LHX4: variants seen among roughly 807,000 people sequenced by gnomAD.
LHX4 encodes the protein LIM homeobox 4, also known as LIM/homeobox protein Lhx4.
In LHX4, 16 loss-of-function variants were observed where a neutral mutation model predicts 39.2. The observed-to-expected ratio is 0.41, with a 90% confidence interval of 0.28 to 0.62. The LOEUF (loss-of-function observed/expected upper bound fraction) is 0.62, where lower values mean the gene tolerates loss of function less well. LHX4 is among the 20% of genes least tolerant of loss of function. The pLI, the probability that LHX4 is intolerant of heterozygous loss-of-function variation, is 0.33. For synonymous variants in LHX4, 206 were observed against 198.1 expected, an observed-to-expected ratio of 1.04 and a Z score of -0.33; for missense variants, 439 against 511.9, an observed-to-expected ratio of 0.86 and a Z score of 1.37.
intron 2 of LHX4, among the ~76,000 whole-genome samples, chr1:180,264,378 A>AACACACACACACACACACACACACAC (rs10561933): frequency 0.011 from 1,664 of 145,308 alleles, 25 homozygotes; most frequent in Non-Finnish European, 0.013. Flanking sequence ...ACACACACAT[A>AACACACACACACACACACACACACAC]ACACACACAC....
At chr1:180,230,217 A>C, upstream of LHX4, 6 of 414,118 alleles carry the variant, frequency 1.4e-5, no homozygotes, top group East Asian at 5.1e-5. This position sits in a 1 kb window ranked among gnomAD's most constrained non-coding sequence, Gnocchi z 5.8. Flanking sequence ...CGAAGGGTGG[A>C]GGGGGAGGGG....
rs903390599 is a variant in LHX4, at chr1:180,248,273, T to A, written c.77-12T>A. On this transcript the variant is annotated splice_polypyrimidine_tract_variant and intron_variant, in intron 1 of 5. Coordinates refer to ENST00000263726, the MANE Select transcript of LHX4 (RefSeq NM_033343.4). The stretch of plus-strand genomic sequence containing the variant: ...GAAGGCTCACAGTGCCTCTCTCTCC[T>A]CTTCCTCACAGAGATTCCCCAGTGC... 6.2e-7 allele frequency: 1 copy of A among 1,613,698 alleles called. No individual in the cohort carries two copies. The highest frequency in any genetic ancestry group is 1.1e-5 in the South Asian group (1 of 90,938).
intron 2 of LHX4, among the ~76,000 whole-genome samples, chr1:180,253,669 A>C (rs1238485712): frequency 6.6e-6 from 1 of 152,184 alleles, no homozygotes; most frequent in Non-Finnish European, 1.5e-5. Flanking sequence ...ACGCTAACCC[A>C]CCGAGCTAGG....
At chr1:180,235,799 C>T (rs2149252496) in intron 1 of LHX4, among the ~76,000 whole-genome samples, 1 of 152,322 alleles carries the variant, frequency 6.6e-6, no homozygotes, top group African/African-American at 2.4e-5. Context: ...CCACCGGGTG[C>T]ACTCACCGCA....
rs1199969573 is a variant in LHX4 at position 180,264,025 on chromosome 1, G to A, written c.249-2367G>A. 2.6e-5 allele frequency among the ~76,000 whole-genome samples: 4 copies of A among 152,232 alleles called. No individual in the cohort carries two copies. The South Asian group carries it at 6.2e-4, about 24-fold the overall frequency. ...GTTGCCCAGGCTGGAGTGCAGTGGCGTGATCTTGGCTCACTGTAGCCTCAA... is the reference window on the plus strand; with the variant it reads ...GTTGCCCAGGCTGGAGTGCAGTGGCATGATCTTGGCTCACTGTAGCCTCAA... On this transcript the variant is annotated intron_variant, in intron 2 of 5. Coordinates refer to ENST00000263726, the MANE Select transcript of LHX4 (RefSeq NM_033343.4).
intron 2 of LHX4, among the ~76,000 whole-genome samples, chr1:180,264,893 T>C (rs979595852): frequency 5.9e-5 from 9 of 152,294 alleles, no homozygotes; most frequent in Middle Eastern, 3.4e-3. Context: ...CAGAAGAGTG[T>C]TCCCTGAAGT....
At chr1:180,235,271 G>A (rs1451615814) in intron 1 of LHX4, among the ~76,000 whole-genome samples, 1 of 152,256 alleles carries the variant, frequency 6.6e-6, no homozygotes, top group Non-Finnish European at 1.5e-5. Context: ...ATCTCAGGTA[G>A]CCCAGAGGTC....
chr1:180,245,397 CT>C (rs1647347566), intron 1 of LHX4, among the ~76,000 whole-genome samples: 2 of 151,968 alleles, frequency 1.3e-5, no homozygotes, highest in African/African-American at 4.8e-5. Context: ...CAGCCAGCCC[CT>C]GATGGCCCCT....
chr1:180,251,124 C>A (rs1337649021), intron 2 of LHX4, among the ~76,000 whole-genome samples: 4 of 152,252 alleles, frequency 2.6e-5, no homozygotes, highest in Admixed American at 2.6e-4. Flanking sequence ...CCTTCCACCC[C>A]ACAGCCCAGG....
At chr1:180,251,830 G>A (rs1647642291) in intron 2 of LHX4, among the ~76,000 whole-genome samples, 2 of 152,190 alleles carry the variant, frequency 1.3e-5, no homozygotes, top group Admixed American at 6.5e-5. Context: ...ATCTGGCCAC[G>A]GATTCAGTGC....
intron 2 of LHX4, chr1:180,248,736 C>T (rs977728708): frequency 4.1e-6 from 2 of 482,498 alleles, no homozygotes; most frequent in African/African-American, 3.9e-5. Flanking sequence ...GGGTGGTTGA[C>T]AAAGTTCTGC....
At chr1:180,241,331 G>A (rs1664441076) in intron 1 of LHX4, among the ~76,000 whole-genome samples, 1 of 152,184 alleles carries the variant, frequency 6.6e-6, no homozygotes, top group South Asian at 2.1e-4. Context: ...TAGAATTAAG[G>A]GAGTGGAGGA....
chr1:180,229,958 GC>G (rs1278861248), upstream of LHX4, among the ~76,000 whole-genome samples: 12 of 87,918 alleles, frequency 1.4e-4, 1 homozygote, highest in African/African-American at 2.8e-4. Flanking sequence ...GGAGGCGGAG[GC>G]GGGGAGGGGG....
At chr1:180,255,341 C>T (rs1049753082) in intron 2 of LHX4, among the ~76,000 whole-genome samples, 1 of 152,228 alleles carries the variant, frequency 6.6e-6, no homozygotes, top group Admixed American at 6.5e-5. Flanking sequence ...CACACATGCA[C>T]ACATGCACAC....
At position 180,230,401 on chromosome 1, in the gene LHX4, G is replaced by A. The variant is rs1381483887; in HGVS notation, c.-129G>A. ...TGGAGTCCTCCCTGAGAAGCGGAGG[G>A]CCCGGCTTCCACCGTGACTCCAGCG... On this transcript the variant is annotated 5_prime_UTR_variant, in exon 1 of 6. Coordinates refer to ENST00000263726, the MANE Select transcript of LHX4 (RefSeq NM_033343.4). The surrounding 1 kb of genome is among the most constrained non-coding windows in gnomAD (Gnocchi z 5.8). 3.8e-6 allele frequency: 3 copies of A among 780,750 alleles called. No individual in the cohort carries two copies. Among genetic ancestry groups the A allele is most frequent in the Non-Finnish European group, 6.5e-6 (3 of 459,780 alleles). 48.4% of individuals were successfully genotyped at this position (780,750 alleles called of 1,614,324 possible).
intron 2 of LHX4, among the ~76,000 whole-genome samples, chr1:180,264,626 T>C (rs1558219641): frequency 6.6e-6 from 1 of 152,206 alleles, no homozygotes; most frequent in East Asian, 1.9e-4. Context: ...ATTCAACAAA[T>C]ATTAACTCTA....
intron 3 of LHX4, chr1:180,270,493 C>G (rs940605569): frequency 6.6e-6 from 1 of 152,164 alleles, no homozygotes; most frequent in Non-Finnish European, 1.5e-5. Flanking sequence ...CCTGTGCTTC[C>G]GAACACACGC....
intron 1 of LHX4, among the ~76,000 whole-genome samples, chr1:180,244,119 A>G (rs1647292100): frequency 6.6e-6 from 1 of 152,144 alleles, no homozygotes; most frequent in Non-Finnish European, 1.5e-5. Context: ...GACGTAATAC[A>G]CACTCAAGCC....
intron 3 of LHX4, among the ~76,000 whole-genome samples, chr1:180,267,938 C>A (rs1648395572): frequency 6.6e-6 from 1 of 152,114 alleles, no homozygotes; most frequent in East Asian, 1.9e-4. Context: ...CAGGAGTGGG[C>A]AGGGCTTCCT....
Sources: gnomAD v4.1 joint callset for allele counts (sites outside exome capture counted in the v4.1 genomes callset) on GRCh38, gnomAD v4.1.1 for gene constraint, Gnocchi (gnomAD v3.1) non-coding constraint, MANE v1.5 for transcripts, NCBI Gene and HGNC (gene_info 2026-07-23, HGNC 2026-07-21) for gene names.